MKKS: variants seen among roughly 807,000 people sequenced by gnomAD.
The protein encoded by MKKS is molecular chaperone MKKS.
MKKS carries 29 observed loss-of-function variants against 33.2 expected under a neutral mutation model. The observed-to-expected ratio is 0.87, with a 90% confidence interval of 0.65 to 1.19. The LOEUF (loss-of-function observed/expected upper bound fraction) is 1.19. Ranked by LOEUF, MKKS falls within the 50% of genes most tolerant of loss-of-function variation. The pLI is 0.00. For missense variants in MKKS, 661 were observed against 662.3 expected (o/e 1.00, Z 0.02); for synonymous variants, 260 against 244.0 (o/e 1.07, Z -0.61).
chr20:10,402,847 AT>A lies in MKKS; in HGVS notation c.*2399del, dbSNP rs1468825594. ...TATGTGACCAAGTTTTCAGTAAATA[AT>A]TTATTACAAATAAGCTTTTCCTCCT... is the stretch of plus-strand genomic sequence containing the variant. On this transcript the variant is annotated 3_prime_UTR_variant, in exon 6 of 6. Coordinates refer to ENST00000347364, the MANE Select transcript of MKKS (RefSeq NM_170784.3). 1 of 152,242 alleles carries A rather than the reference AT, an allele frequency of 6.6e-6. No homozygotes were observed. The highest frequency in any genetic ancestry group is 1.5e-5 in the Non-Finnish European group (1 of 68,050). The allele number at this position is 152,242 out of a possible 1,614,324, so 9.4% of individuals were successfully genotyped here.
rs2064851860 is a variant in MKKS, at chr20:10,407,602, A to T, written c.1272+14T>A. The T allele has an allele frequency of 1.2e-6, 2 of 1,606,164 alleles. No homozygotes were observed. The highest frequency in any genetic ancestry group is 1.3e-5 in the African/African-American group (1 of 74,726). On this transcript the variant is annotated intron_variant, in intron 5 of 5. Transcript: ENST00000347364. ...TGAGAATTCAGGTAATCCGAAGAGG[A>T]TTATCTTACATACCTTGTGTCTGAT...
chr20:10,413,273 A>G lies in MKKS; in HGVS notation c.242T>C (p.Ile81Thr). 6.2e-7 allele frequency: 1 copy of G among 1,614,240 alleles called. No individual in the cohort carries two copies. Among genetic ancestry groups the G allele is most frequent in the Non-Finnish European group, 8.5e-7 (1 of 1,180,042 alleles). ...ACTGAAGCTTGACACATGATTCTGT[A>G]TGGAGGCTGTCAGGATCTTTAAAAT... ...HPILKILTAS[I>T]QNHVSSFSDC... The change falls in exon 3 of 6, where the codon ATA becomes ACA. Residue 81 changes from isoleucine to threonine, a missense_variant. Ile to Thr is a moderately conservative substitution (Grantham distance 89). Coordinates refer to ENST00000347364, the MANE Select transcript of MKKS (RefSeq NM_170784.3).
intron 1 of MKKS, among the ~76,000 whole-genome samples, chr20:10,430,670 G>T (rs1333647185): frequency 6.6e-6 from 1 of 152,188 alleles, no homozygotes; most frequent in African/African-American, 2.4e-5. Context: ...CTAGGGTAGT[G>T]AATCTGGTAA....
intron 1 of MKKS, among the ~76,000 whole-genome samples, chr20:10,426,560 C>T (rs1012651820): frequency 2.0e-5 from 3 of 152,158 alleles, no homozygotes; most frequent in Non-Finnish European, 2.9e-5. Flanking sequence ...CCACCATGCC[C>T]GACTAATTTT....
At chr20:10,432,262 T>C (rs1171115720) in intron 1 of MKKS, among the ~76,000 whole-genome samples, 1 of 152,202 alleles carries the variant, frequency 6.6e-6, no homozygotes, top group Non-Finnish European at 1.5e-5. Context: ...GCAGCTTAAC[T>C]TTTTCTATTG....
At chr20:10,412,495 A>G in intron 3 of MKKS, 35 bp downstream of exon 3, 1 of 1,605,180 alleles carries the variant, frequency 6.2e-7, no homozygotes, top group Non-Finnish European at 8.5e-7. Flanking sequence ...GTGATTTATT[A>G]ACTGTAAGAG....
intron 2 of MKKS, among the ~76,000 whole-genome samples, chr20:10,418,867 A>C (rs2122249668): frequency 6.6e-6 from 1 of 152,196 alleles, no homozygotes; most frequent in East Asian, 1.9e-4. Flanking sequence ...GCACCTAATA[A>C]ATTCTCTAAC....
chr20:10,416,716 T>C (rs571817146), intron 2 of MKKS, among the ~76,000 whole-genome samples: 2 of 152,292 alleles, frequency 1.3e-5, no homozygotes, highest in South Asian at 2.1e-4. Flanking sequence ...GGAGAAGGAA[T>C]GATAGAATTT....
At chr20:10,429,190 T>C (rs1305036154) in intron 1 of MKKS, among the ~76,000 whole-genome samples, 4 of 152,198 alleles carry the variant, frequency 2.6e-5, no homozygotes, top group Admixed American at 6.5e-5. Context: ...TCATTCTCCA[T>C]GGAAAGTGTT....
chr20:10,402,444 G>A lies in MKKS; in HGVS notation c.*2803C>T, dbSNP rs915002900. 1 of 151,660 alleles carries A rather than the reference G, an allele frequency of 6.6e-6. No homozygotes were observed. The highest frequency in any genetic ancestry group is 1.5e-5 in the Non-Finnish European group (1 of 67,960). The allele number at this position is 151,660 out of a possible 1,614,324, so 9.4% of individuals were successfully genotyped here. A position where few individuals can be genotyped will look rare whatever the true frequency, so the allele number is the denominator to read the frequency against. ...TTCTATTTCCAGTGTTTTCTGCTAGGGATTATTATAACTTTAGGAAACATA... is the reference window on the plus strand; with the variant it reads ...TTCTATTTCCAGTGTTTTCTGCTAGAGATTATTATAACTTTAGGAAACATA... On this transcript the variant is annotated 3_prime_UTR_variant, in exon 6 of 6. Coordinates refer to ENST00000347364, the MANE Select transcript of MKKS (RefSeq NM_170784.3).
At chr20:10,429,246 T>C (rs1337770340) in intron 1 of MKKS, among the ~76,000 whole-genome samples, 2 of 152,208 alleles carry the variant, frequency 1.3e-5, no homozygotes, top group Non-Finnish European at 2.9e-5. Context: ...AATCTCCCTG[T>C]AGCCTTTTGA....
chr20:10,426,398 C>T (rs978956646), intron 1 of MKKS, among the ~76,000 whole-genome samples: 2 of 150,694 alleles, frequency 1.3e-5, no homozygotes, highest in Non-Finnish European at 2.9e-5. Flanking sequence ...GGCATCATGC[C>T]TGGCATGTTG....
rs115672693 is a variant in MKKS at position 10,406,923 on chromosome 20, G to A, written c.1272+693C>T. On this transcript the variant is annotated intron_variant, in intron 5 of 5. Transcript: ENST00000347364. The stretch of plus-strand genomic sequence containing the variant: ...GGCATGTTTACCCAATGAATCGATT[G>A]CTAATATCTGGAAAACACCTATACC... 5.2e-3 allele frequency among the ~76,000 whole-genome samples: 795 copies of A among 152,204 alleles called. 12 individuals carry two copies. Among genetic ancestry groups the A allele is most frequent in the African/African-American group, 0.018 (740 of 41,540 alleles).
At chr20:10,427,362 A>G (rs2065022767) in intron 1 of MKKS, among the ~76,000 whole-genome samples, 1 of 152,194 alleles carries the variant, frequency 6.6e-6, no homozygotes, top group Non-Finnish European at 1.5e-5. Context: ...ATTTGAAAAA[A>G]TTGTAATTTT....
intron 1 of MKKS, among the ~76,000 whole-genome samples, chr20:10,433,639 T>C (rs1457527300): frequency 6.6e-6 from 1 of 152,108 alleles, no homozygotes; most frequent in Non-Finnish European, 1.5e-5. Flanking sequence ...CGCGGCTGCT[T>C]TCACGTAGCT....
At chr20:10,424,436 T>C (rs1006386003) in intron 1 of MKKS, among the ~76,000 whole-genome samples, 9 of 152,110 alleles carry the variant, frequency 5.9e-5, no homozygotes, top group African/African-American at 9.7e-5. Context: ...CATTGGCATA[T>C]AACTTTAAAC....
chr20:10,431,704 G>A (rs1169978024), intron 1 of MKKS: 1 of 152,100 alleles, frequency 6.6e-6, no homozygotes, highest in Non-Finnish European at 1.5e-5. Context: ...GTTACGGCAG[G>A]GAGTCAAGAT....
intron 1 of MKKS, among the ~76,000 whole-genome samples, chr20:10,424,869 T>C (rs1308747426): frequency 2.0e-5 from 3 of 151,990 alleles, no homozygotes; most frequent in Admixed American, 2.0e-4. Context: ...CTGGCCAACA[T>C]GGTGAAACCC....
intron 1 of MKKS, among the ~76,000 whole-genome samples, chr20:10,426,102 CA>C (rs2065012703): frequency 6.6e-6 from 1 of 152,122 alleles, no homozygotes; most frequent in African/African-American, 2.4e-5. Flanking sequence ...TCATATTTTT[CA>C]TTTTGTTTTG....
Sources: gnomAD v4.1 joint callset for allele counts (sites outside exome capture counted in the v4.1 genomes callset) on GRCh38, gnomAD v4.1.1 for gene constraint, MANE v1.5 for transcripts, NCBI Gene and HGNC (gene_info 2026-07-23, HGNC 2026-07-21) for gene names.